Variants in ARHGEF33 observed in about 807,000 individuals in gnomAD.
The protein encoded by ARHGEF33 is DH and coiled-coil domain-containing protein ENSP00000381780.
A neutral mutation model predicts 101.9 loss-of-function variants in ARHGEF33; 72 were observed. The ratio of observed to expected loss-of-function variants is 0.71; its 90% CI spans 0.58 to 0.86. ARHGEF33 has a LOEUF of 0.86. Among genes scored for constraint, ARHGEF33 ranks in the 40% least tolerant of loss-of-function variants. The pLI is 0.00. For missense variants in ARHGEF33, 1,169 were observed against 1,111.3 expected (o/e 1.05, Z -0.74); for synonymous variants, 499 against 442.5 (o/e 1.13, Z -1.60).
rs562027932 is a variant in ARHGEF33 at position 38,920,634 on chromosome 2, C to T, written c.26-740C>T. On this transcript the variant is annotated intron_variant, in intron 3 of 17. Coordinates refer to ENST00000409978, the MANE Select transcript of ARHGEF33 (RefSeq NM_001145451.5). ...TGTTGGCCAAGCTGGTCTTGAACTC[C>T]TAACCTCAGGTGATCCTCCCGCCTT... Among the ~76,000 whole-genome samples, 20 of 152,144 alleles carry T rather than the reference C, an allele frequency of 1.3e-4. No individual in the cohort carries two copies. In the South Asian group the frequency reaches 3.7e-3, roughly 28 times the overall value.
At chr2:38,900,649 C>A (rs1402671193) in intron 2 of ARHGEF33, among the ~76,000 whole-genome samples, 2 of 152,108 alleles carry the variant, frequency 1.3e-5, no homozygotes, top group African/African-American at 2.4e-5. Context: ...TCCCAGACAA[C>A]CTTTCCAGAT....
chr2:38,949,884 C>T (rs182914134), intron 10 of ARHGEF33, among the ~76,000 whole-genome samples: 8 of 152,276 alleles, frequency 5.3e-5, no homozygotes, highest in Admixed American at 2.6e-4. Flanking sequence ...GACAGAGAGA[C>T]GGGAGGCGCT....
rs1219187450 is a variant in ARHGEF33 at position 38,960,314 on chromosome 2, A to G, written c.2009A>G (p.Glu670Gly). The G allele has an allele frequency of 6.5e-7, 1 of 1,543,502 alleles. No homozygotes were observed. The highest frequency in any genetic ancestry group is 2.0e-5 in the Admixed American group (1 of 50,928). The change falls in exon 16 of 18, where the codon GAG becomes GGG. Residue 670 changes from glutamate (E) to glycine (G), a missense_variant. Physicochemically the swap from Glu to Gly is moderately conservative, Grantham distance 98 (BLOSUM62 -2). Coordinates refer to ENST00000409978, the MANE Select transcript of ARHGEF33 (RefSeq NM_001145451.5). ...VSFAMEAERPEHPLQPLPKSA... is the reference protein window; with the variant it reads ...VSFAMEAERPGHPLQPLPKSA... ...TTCGCCATGGAGGCCGAGCGGCCGG[A>G]GCACCCGCTGCAGCCGCTGCCCAAG...
In ARHGEF33 at chr2:38,893,662, A is replaced by G. The variant is rs117591711; in HGVS notation, c.-158-2115A>G. 1.2e-3 allele frequency among the ~76,000 whole-genome samples: 187 copies of G among 152,264 alleles called. 1 individual carries two copies. The highest frequency in any genetic ancestry group is 9.1e-3 in the East Asian group (47 of 5,186). On this transcript the variant is annotated intron_variant, in intron 1 of 17. Coordinates refer to ENST00000409978, the MANE Select transcript of ARHGEF33 (RefSeq NM_001145451.5). The stretch of plus-strand genomic sequence containing the variant: ...TTATGTGTCTCATCTTCCCTTCTAG[A>G]CTGGAAGCAGAAACAATGGCATCCT...
chr2:38,941,824 T>C (rs1007786516), intron 9 of ARHGEF33, among the ~76,000 whole-genome samples: 7 of 151,846 alleles, frequency 4.6e-5, no homozygotes, highest in African/African-American at 1.7e-4. Context: ...GGATTACAGG[T>C]GTGAGCCACT....
chr2:38,958,291 C>A, intron 15 of ARHGEF33, 93 bp downstream of exon 15: 6 of 1,456,488 alleles, frequency 4.1e-6, no homozygotes, highest in Non-Finnish European at 4.6e-6. Context: ...ATTCCTCCAT[C>A]CCCTTTCCCC....
intron 7 of ARHGEF33, among the ~76,000 whole-genome samples, chr2:38,935,119 G>C (rs377689565): frequency 1.3e-5 from 2 of 151,954 alleles, no homozygotes; most frequent in East Asian, 1.9e-4. Context: ...ATCATTATAA[G>C]GGCTTTGGCT....
chr2:38,938,707 G>T (rs1370761159), intron 9 of ARHGEF33, among the ~76,000 whole-genome samples: 1 of 151,966 alleles, frequency 6.6e-6, no homozygotes, highest in South Asian at 2.1e-4. Context: ...GTGCATGAAA[G>T]AACCTGAGAA....
chr2:38,950,881 C>T, intron 10 of ARHGEF33, 108 bp from the exon 11 acceptor site: 2 of 1,042,700 alleles, frequency 1.9e-6, no homozygotes, highest in South Asian at 1.7e-5. Context: ...GCCTGTGACT[C>T]ACAGTATGTT....
intron 15 of ARHGEF33, among the ~76,000 whole-genome samples, chr2:38,958,615 T>C (rs918429596): frequency 6.6e-6 from 1 of 152,238 alleles, no homozygotes; most frequent in African/African-American, 2.4e-5. Flanking sequence ...AGGTCAATAT[T>C]TTGTTTCACT....
rs905238205 is a variant in ARHGEF33 at position 38,973,924 on chromosome 2, A to C, written c.*81A>C. On this transcript the variant is annotated 3_prime_UTR_variant, in exon 18 of 18. Transcript: ENST00000409978. Reference sequence around the variant, plus strand: ...TATCTGTGTAGGAATATATATATATATCTATATCTATATATATATATATAT... The same window carrying C: ...TATCTGTGTAGGAATATATATATATCTCTATATCTATATATATATATATAT... 13 of 820,050 alleles carry C rather than the reference A, an allele frequency of 1.6e-5. No individual in the cohort carries two copies. The South Asian group carries it at 2.2e-4, about 14-fold the overall frequency. The allele number at this position is 820,050 out of a possible 1,614,324, so 50.8% of individuals were successfully genotyped here.
At position 38,937,574 on chromosome 2, in the gene ARHGEF33, G is replaced by A. The variant is rs1047196206; in HGVS notation, c.790+15G>A. 23 of 1,373,338 alleles carry A rather than the reference G, an allele frequency of 1.7e-5. No homozygotes were observed. The highest frequency in any genetic ancestry group is 7.9e-5 in the Admixed American group (4 of 50,348). The allele number at this position is 1,373,338 out of a possible 1,614,324, so 85.1% of individuals were successfully genotyped here. ...CTCCTTAGCTGGTAAGTTCCAAGGG[G>A]GAATGCAGGCTAATAGTTTAAAGAA... On this transcript the variant is annotated intron_variant, in intron 9 of 17. Transcript: ENST00000409978.
At chr2:38,958,435 A>T (rs1471423226) in intron 15 of ARHGEF33, among the ~76,000 whole-genome samples, 1 of 152,206 alleles carries the variant, frequency 6.6e-6, no homozygotes, top group Non-Finnish European at 1.5e-5. Flanking sequence ...GATCACTTCA[A>T]CTCTTGAAGC....
chr2:38,907,105 G>A (rs935246306), intron 2 of ARHGEF33, among the ~76,000 whole-genome samples: 1 of 152,158 alleles, frequency 6.6e-6, no homozygotes, highest in African/African-American at 2.4e-5. Context: ...TTGTAGGACC[G>A]AGATCCCCAG....
intron 4 of ARHGEF33, among the ~76,000 whole-genome samples, chr2:38,921,865 G>A (rs1321247793): frequency 1.3e-5 from 2 of 152,204 alleles, no homozygotes. Context: ...TCAGAGAGGA[G>A]AGGGCAAAAT....
At chr2:38,972,336 A>T (rs1456718812) in intron 17 of ARHGEF33, among the ~76,000 whole-genome samples, 1 of 152,180 alleles carries the variant, frequency 6.6e-6, no homozygotes, top group Non-Finnish European at 1.5e-5. Context: ...AGGCTCTTTC[A>T]AGGGAGAACT....
intron 6 of ARHGEF33, among the ~76,000 whole-genome samples, chr2:38,930,298 A>T (rs1666966671): frequency 6.6e-6 from 1 of 151,988 alleles, no homozygotes; most frequent in Non-Finnish European, 1.5e-5. Flanking sequence ...ACCATTAAAC[A>T]TATATAATCT....
chr2:38,950,892 G>T lies in ARHGEF33; in HGVS notation c.921-97G>T, dbSNP rs547333703. 34 of 1,185,472 alleles carry T rather than the reference G, an allele frequency of 2.9e-5. No homozygotes were observed. In the African/African-American group the frequency reaches 4.8e-4, roughly 17 times the overall value. 73.4% of individuals were successfully genotyped at this position (1,185,472 alleles called of 1,614,324 possible). A position where few individuals can be genotyped will look rare whatever the true frequency, so the allele number is the denominator to read the frequency against. ...GCAGGCCTGTGACTCACAGTATGTTGGATGGCTGGGAGAATGGGCCCTGCT... is the reference window on the plus strand; with the variant it reads ...GCAGGCCTGTGACTCACAGTATGTTTGATGGCTGGGAGAATGGGCCCTGCT... On this transcript the variant is annotated intron_variant, in intron 10 of 17. Transcript: ENST00000409978.
In ARHGEF33 at chr2:38,960,249, C is replaced by T. The variant is rs1487235562; in HGVS notation, c.1944C>T (p.Ser648=). 3.1e-5 allele frequency: 48 copies of T among 1,548,050 alleles called. No homozygotes were observed. The highest frequency in any genetic ancestry group is 3.9e-5 in the Admixed American group (2 of 50,938). ...TCGAGAACTGCTCGCCTGCCTCCTCCGAGTCCAGCCTGGACATCTGCTTCC... is the reference window on the plus strand; with the variant it reads ...TCGAGAACTGCTCGCCTGCCTCCTCTGAGTCCAGCCTGGACATCTGCTTCC... ...ALFENCSPAS[S]ESSLDICFLR... The change falls in exon 16 of 18, where the codon TCC becomes TCT. Residue 648 remains serine (S), a synonymous_variant. Coordinates refer to ENST00000409978, the MANE Select transcript of ARHGEF33 (RefSeq NM_001145451.5).
Sources: gnomAD v4.1 joint callset for allele counts (sites outside exome capture counted in the v4.1 genomes callset) on GRCh38, gnomAD v4.1.1 for gene constraint, MANE v1.5 for transcripts, NCBI Gene and HGNC (gene_info 2026-07-23, HGNC 2026-07-21) for gene names.